Variants in CBX8 observed in about 807,000 individuals in gnomAD.
CBX8 encodes chromobox protein homolog 8.
CBX8 carries 8 observed loss-of-function variants against 39.7 expected under a neutral mutation model. The observed-to-expected ratio is 0.20, with a 90% confidence interval of 0.12 to 0.36. The LOEUF (loss-of-function observed/expected upper bound fraction) is 0.36, where lower values mean the gene tolerates loss of function less well. Ranked by LOEUF, CBX8 falls within the 10% of genes least tolerant of loss-of-function variation. The probability of loss-of-function intolerance (pLI) is 1.00; values close to 1 mark genes in which losing one functional copy is unlikely to be tolerated. For missense variants in CBX8, 505 were observed against 529.6 expected (o/e 0.95, Z 0.46); for synonymous variants, 268 against 219.8 (o/e 1.22, Z -1.94).
At position 79,796,972 on chromosome 17, in the gene CBX8, C is replaced by A. The variant is rs1161744660; in HGVS notation, c.27G>T (p.Arg9=). 1 of 1,611,110 alleles carries A rather than the reference C, an allele frequency of 6.2e-7. No homozygotes were observed. The highest frequency in any genetic ancestry group is 1.1e-5 in the South Asian group (1 of 90,566). ...TCAGGAGGGCTTCGGCCGCGAACAC[C>A]CGCTCCCCCACCGCTGAAAGCTCCA... MELSAVGE[R]VFAAEALLKR... Residue 9 remains arginine (R), a synonymous_variant, in exon 1 of 5, where the codon CGG becomes CGT. Coordinates refer to ENST00000269385, the MANE Select transcript of CBX8 (RefSeq NM_020649.3).
At position 79,795,052 on chromosome 17, in the gene CBX8, G is replaced by A. The variant is rs756127118; in HGVS notation, c.753C>T (p.Ala251=). 79 of 1,607,508 alleles carry A rather than the reference G, an allele frequency of 4.9e-5. No homozygotes were observed. The highest frequency in any genetic ancestry group is 6.3e-5 in the Non-Finnish European group (74 of 1,176,918). ...GCACCAGGTCCGAGTCCTGTCTTCG[G>A]GCCAGCTGGATCACACTGTGGCCGG... is the stretch of plus-strand genomic sequence containing the variant. ...FPAGHSVIQL[A]RRQDSDLVQC... Residue 251 remains alanine (A), a synonymous_variant, in exon 5 of 5, where the codon GCC becomes GCT. Coordinates refer to ENST00000269385, the MANE Select transcript of CBX8 (RefSeq NM_020649.3). The surrounding 1 kb of genome is among the most constrained non-coding windows in gnomAD (Gnocchi z 5.8).
At position 79,795,506 on chromosome 17, in the gene CBX8, C is replaced by T. The variant is rs1410492540; in HGVS notation, c.299G>A (p.Arg100Lys). 1 of 1,547,280 alleles carries T rather than the reference C, an allele frequency of 6.5e-7. No individual in the cohort carries two copies. The highest frequency in any genetic ancestry group is 2.3e-5 in the East Asian group (1 of 44,300). The change falls in exon 5 of 5, where the codon AGG (arginine) becomes AAG (lysine). Residue 100 changes from arginine to lysine, a missense_variant. Arg to Lys is a conservative substitution (Grantham distance 26, BLOSUM62 2). Coordinates refer to ENST00000269385, the MANE Select transcript of CBX8 (RefSeq NM_020649.3). This position sits in a 1 kb window ranked among gnomAD's most constrained non-coding sequence, Gnocchi z 5.8. ...GCCAGGGTAGGGGATCCGGATGCCCCTGGCTGAGTCACTTCGAAACTCGTA... is the reference window on the plus strand; with the variant it reads ...GCCAGGGTAGGGGATCCGGATGCCCTTGGCTGAGTCACTTCGAAACTCGTA... The part of the protein sequence containing the change: ...KTYEFRSDSA[R>K]GIRIPYPGRS...
chr17:79,794,712 C>T lies in CBX8; in HGVS notation c.1093G>A (p.Asp365Asn), dbSNP rs1908000389. 6.2e-7 allele frequency: 1 copy of T among 1,609,222 alleles called. No homozygotes were observed. ...ACGGTCAAAAAGTTTGAGGTCACGT[C>T]CGTGACCACCACCTTCTCCAGGTTA... Reference protein sequence around the residue: ...LTNLEKVVVTDVTSNFLTVTI... With the variant: ...LTNLEKVVVTNVTSNFLTVTI... Residue 365 changes from aspartate (D) to asparagine (N), a missense_variant, in exon 5 of 5, where the codon GAC becomes AAC. By Grantham distance (23) the Asp-to-Asn change is conservative. Transcript: ENST00000269385.
In CBX8 at chr17:79,794,852, C is replaced by T. The variant is rs2145838244; in HGVS notation, c.953G>A (p.Gly318Glu). The stretch of plus-strand genomic sequence containing the variant: ...GGCCCCCATGTCCCGGTACAGGCCC[C>T]CCCCAGAGCTGGGGGGGCCTGAGCC... ...RHGSGPPSSG[G>E]GLYRDMGAQG... Residue 318 changes from glycine to glutamate, a missense_variant, in exon 5 of 5, where the codon GGG becomes GAG. Coordinates refer to ENST00000269385, the MANE Select transcript of CBX8 (RefSeq NM_020649.3). 6.2e-7 allele frequency: 1 copy of T among 1,608,866 alleles called. No homozygotes were observed. The highest frequency in any genetic ancestry group is 8.5e-7 in the Non-Finnish European group (1 of 1,177,962).
chr17:79,794,503 C>G lies in CBX8; in HGVS notation c.*132G>C. On this transcript the variant is annotated 3_prime_UTR_variant, in exon 5 of 5. Coordinates refer to ENST00000269385, the MANE Select transcript of CBX8 (RefSeq NM_020649.3). ...GGGGAGGAAGGAGGGATGAAAGGGG[C>G]TGGTGGGGTGGGGGTGACATCAGGG... 1.7e-6 allele frequency: 1 copy of G among 590,814 alleles called. No homozygotes were observed. Among genetic ancestry groups the G allele is most frequent in the Non-Finnish European group, 2.9e-6 (1 of 339,528 alleles). 36.6% of individuals were successfully genotyped at this position (590,814 alleles called of 1,614,324 possible). A position where few individuals can be genotyped will look rare whatever the true frequency, so the allele number is the denominator to read the frequency against.
At position 79,794,863 on chromosome 17, in the gene CBX8, G is replaced by A; in HGVS notation, c.942C>T (p.Pro314=). 1 of 1,608,062 alleles carries A rather than the reference G, an allele frequency of 6.2e-7. No homozygotes were observed. The highest frequency in any genetic ancestry group is 2.2e-5 in the East Asian group (1 of 44,758). Residue 314 remains proline (P), a synonymous_variant, in exon 5 of 5, where the codon CCC becomes CCT. Transcript: ENST00000269385. ...GTRVRHGSGP[P]SSGGGLYRDM... Reference sequence around the variant, plus strand: ...CCCGGTACAGGCCCCCCCCAGAGCTGGGGGGGCCTGAGCCATGTCGGACCC... The same window carrying A: ...CCCGGTACAGGCCCCCCCCAGAGCTAGGGGGGCCTGAGCCATGTCGGACCC...
Position 79,795,109 on chromosome 17 carries a change from G to C in CBX8, c.696C>G (p.Asp232Glu), listed in dbSNP as rs376248661. The change falls in exon 5 of 5, where the codon GAC (aspartate) becomes GAG (glutamate). Residue 232 changes from aspartate (D) to glutamate (E), a missense_variant. By Grantham distance (45) the Asp-to-Glu change is conservative (BLOSUM62 2). This residue lies in a region of CBX8 where 456 missense variants were observed against 389.2 expected (regional missense o/e 1.17). Transcript: ENST00000269385. The surrounding 1 kb of genome is among the most constrained non-coding windows in gnomAD (Gnocchi z 5.8). ...LGEYLKGRKLDDTPSGAGKFP... is the reference protein window; with the variant it reads ...LGEYLKGRKLEDTPSGAGKFP... Reference sequence around the variant, plus strand: ...ACTTTCCTGCCCCGGAAGGGGTGTCGTCCAGCTTCCTGCCCTTGAGGTACT... The same window carrying C: ...ACTTTCCTGCCCCGGAAGGGGTGTCCTCCAGCTTCCTGCCCTTGAGGTACT... 1.6e-5 allele frequency: 26 copies of C among 1,612,818 alleles called. 2 individuals carry two copies. In the South Asian group the frequency reaches 2.4e-4, roughly 15 times the overall value.
In CBX8 at chr17:79,794,998, A is replaced by C; in HGVS notation, c.807T>G (p.Ala269=). Residue 269 remains alanine, a synonymous_variant, in exon 5 of 5, where the codon GCT becomes GCG. Transcript: ENST00000269385. ...CCACAGCCAGTTTGCCCGTGGCCTCAGCTGAGCTAGGGCTGGTCACACCAC... is the reference window on the plus strand; with the variant it reads ...CCACAGCCAGTTTGCCCGTGGCCTCCGCTGAGCTAGGGCTGGTCACACCAC... ...VQCGVTSPSS[A]EATGKLAVDT... 3 of 1,606,216 alleles carry C rather than the reference A, an allele frequency of 1.9e-6. No homozygotes were observed. The highest frequency in any genetic ancestry group is 1.1e-5 in the South Asian group (1 of 89,916).
At position 79,795,895 on chromosome 17, in the gene CBX8, T is replaced by G. The variant is rs944915003; in HGVS notation, c.246+162A>C. ...GCCAAGCCCGTCCCCCCAGACACAG[T>G]TGGTGCTGCTACTGACTTGGTGACA... is the stretch of plus-strand genomic sequence containing the variant. On this transcript the variant is annotated intron_variant, in intron 4 of 4. Coordinates refer to ENST00000269385, the MANE Select transcript of CBX8 (RefSeq NM_020649.3). This position sits in a 1 kb window ranked among gnomAD's most constrained non-coding sequence, Gnocchi z 5.8. Among the ~76,000 whole-genome samples, 7 of 152,088 alleles carry G rather than the reference T, an allele frequency of 4.6e-5. No homozygotes were observed. Among genetic ancestry groups the G allele is most frequent in the Admixed American group, 3.9e-4 (6 of 15,266 alleles).
chr17:79,796,791 T>TGCCGCCGCCGCC (rs897399746), intron 1 of CBX8, 139 bp downstream of exon 1: 3 of 658,056 alleles, frequency 4.6e-6, no homozygotes, highest in Admixed American at 3.5e-5. Context: ...GGCTCAGAGC[T>TGCCGCCGCCGCC]GCCGCCGCCG....
In CBX8 at chr17:79,793,291, G is replaced by C. The variant is rs530249264; in HGVS notation, c.*1344C>G. ...AATAGAGAACACTGCGAATCGAAAA[G>C]ACCTATAAATTATAGCTTTTGCTTT... On this transcript the variant is annotated 3_prime_UTR_variant, in exon 5 of 5. Coordinates refer to ENST00000269385, the MANE Select transcript of CBX8 (RefSeq NM_020649.3). The C allele has an allele frequency of 6.6e-6, 1 of 152,240 alleles. No individual in the cohort carries two copies. The highest frequency in any genetic ancestry group is 1.9e-4 in the East Asian group (1 of 5,174). 9.4% of individuals were successfully genotyped at this position (152,240 alleles called of 1,614,324 possible). A position where few individuals can be genotyped will look rare whatever the true frequency, so the allele number is the denominator to read the frequency against.
chr17:79,796,856 C>T, intron 1 of CBX8, 74 bp downstream of exon 1: 3 of 1,397,648 alleles, frequency 2.1e-6, no homozygotes, highest in Non-Finnish European at 2.9e-6. Context: ...AGCTGGGCTG[C>T]AGCAGGGGGA....
Position 79,794,641 on chromosome 17 carries a change from T to C in CBX8, c.1164A>G (p.Lys388=), listed in dbSNP as rs774928845. 4.5e-6 allele frequency: 7 copies of C among 1,563,902 alleles called. No individual in the cohort carries two copies. The East Asian group carries it at 1.6e-4, about 35-fold the overall frequency. Residue 388 remains lysine (K), a synonymous_variant, in exon 5 of 5, where the codon AAA becomes AAG. Transcript: ENST00000269385. ...SNTDQGFFKE[K]R is the part of the protein sequence containing the mutation. ...GGACACACCCACCCAGCATTCATCTTTTCTCTTTAAAAAAGCCTTGGTCCG... is the reference window on the plus strand; with the variant it reads ...GGACACACCCACCCAGCATTCATCTCTTCTCTTTAAAAAAGCCTTGGTCCG...
In CBX8 at chr17:79,795,638, C is replaced by A. The variant is rs1908057782; in HGVS notation, c.247-80G>T. The A allele has an allele frequency of 3.6e-6, 3 of 832,128 alleles. No individual in the cohort carries two copies. The Admixed American group carries it at 1.8e-4, about 50-fold the overall frequency. 51.5% of individuals were successfully genotyped at this position (832,128 alleles called of 1,614,324 possible). ...GGACTCCTCCTCTATCCCTGACCTC[C>A]TATCTTTACCCTATGATGCCTGGGA... On this transcript the variant is annotated intron_variant, in intron 4 of 4. Transcript: ENST00000269385. This position sits in a 1 kb window ranked among gnomAD's most constrained non-coding sequence, Gnocchi z 5.8.
rs973356259 is a variant in CBX8, at chr17:79,794,453, G to A, written c.*182C>T. 1.4e-5 allele frequency: 7 copies of A among 484,622 alleles called. No individual in the cohort carries two copies. Among genetic ancestry groups the A allele is most frequent in the Non-Finnish European group, 2.6e-5 (7 of 271,544 alleles). The allele number at this position is 484,622 out of a possible 1,614,324, so 30.0% of individuals were successfully genotyped here. ...ATCTAATAGAAAATATAACTCTAGAGATAATCTTTCCAACAAAAACTGAGG... is the reference window on the plus strand; with the variant it reads ...ATCTAATAGAAAATATAACTCTAGAAATAATCTTTCCAACAAAAACTGAGG... On this transcript the variant is annotated 3_prime_UTR_variant, in exon 5 of 5. Coordinates refer to ENST00000269385, the MANE Select transcript of CBX8 (RefSeq NM_020649.3).
intron 1 of CBX8, 48 bp downstream of exon 1, chr17:79,796,882 G>C: frequency 6.5e-7 from 1 of 1,538,638 alleles, no homozygotes; most frequent in Non-Finnish European, 8.8e-7. Flanking sequence ...CCCGGGCCGG[G>C]AGGGGAGGGC....
intron 1 of CBX8, among the ~76,000 whole-genome samples, 180 bp from the exon 2 acceptor site, chr17:79,796,720 C>T (rs1328820596): frequency 6.6e-5 from 10 of 150,538 alleles, no homozygotes; most frequent in Non-Finnish European, 1.5e-4. Flanking sequence ...GGCATTCATT[C>T]CCCACCCCGC....
chr17:79,795,209 C>T lies in CBX8; in HGVS notation c.596G>A (p.Arg199Gln), dbSNP rs779016895. 6.8e-5 allele frequency: 109 copies of T among 1,613,156 alleles called. No individual in the cohort carries two copies. Among genetic ancestry groups the T allele is most frequent in the Non-Finnish European group, 8.7e-5 (103 of 1,179,786 alleles). The change falls in exon 5 of 5, where the codon CGA becomes CAA. Residue 199 changes from arginine to glutamine, a missense_variant. This residue lies in a region of CBX8 where 456 missense variants were observed against 389.2 expected (regional missense o/e 1.17). Coordinates refer to ENST00000269385, the MANE Select transcript of CBX8 (RefSeq NM_020649.3). This position sits in a 1 kb window ranked among gnomAD's most constrained non-coding sequence, Gnocchi z 5.8. ...PSSPGDSSKK[R>Q]GPKPRKELPD... ...GAGCTCCTTCCGGGGCTTGGGGCCT[C>T]GCTTCTTCGAGCTGTCCCCCGGTGA...
At chr17:79,796,206 T>C (rs1173625922) in intron 3 of CBX8, 44 bp downstream of exon 3, 4 of 1,612,756 alleles carry the variant, frequency 2.5e-6, no homozygotes, top group Admixed American at 1.7e-5. Flanking sequence ...GAAGCCACTC[T>C]ACTTGTTTCT....
Sources: allele counts gnomAD v4.1 joint callset (sites outside exome capture counted in the v4.1 genomes callset), GRCh38; gene constraint gnomAD v4.1.1; regional missense constraint gnomAD v4.1.1; non-coding constraint Gnocchi (gnomAD v3.1); transcripts MANE v1.5; gene names NCBI Gene and HGNC (gene_info 2026-07-23, HGNC 2026-07-21).